Variants in FGF14 observed in about 807,000 individuals in gnomAD.
The protein encoded by FGF14 is fibroblast growth factor homologous factor 4.
FGF14 carries 5 observed loss-of-function variants against 25.5 expected under a neutral mutation model. The ratio of observed to expected loss-of-function variants is 0.20; its 90% CI spans 0.10 to 0.41. FGF14 has a LOEUF of 0.41. Ranked by LOEUF, FGF14 falls within the 10% of genes least tolerant of loss-of-function variation. The pLI, the probability that FGF14 is intolerant of heterozygous loss-of-function variation, is 1.00. For missense variants in FGF14, 222 were observed against 320.1 expected, an observed-to-expected ratio of 0.69 and a Z score of 2.34; for synonymous variants, 138 against 118.3, an observed-to-expected ratio of 1.17 and a Z score of -1.08.
chr13:101,811,318 C>G (rs2041500217), intron 3 of FGF14, among the ~76,000 whole-genome samples: 1 of 152,220 alleles, frequency 6.6e-6, no homozygotes, highest in Non-Finnish European at 1.5e-5. Flanking sequence ...TTTCCTGTCT[C>G]TATCATTGTG....
chr13:102,343,060 T>C (rs1426708913), intron 1 of FGF14, among the ~76,000 whole-genome samples: 2 of 152,038 alleles, frequency 1.3e-5, no homozygotes, highest in Non-Finnish European at 2.9e-5. Context: ...TTTTTGAGAG[T>C]AGGCACAGTC....
intron 3 of FGF14, among the ~76,000 whole-genome samples, chr13:101,782,771 C>T (rs563081277): frequency 2.4e-4 from 36 of 152,274 alleles, no homozygotes; most frequent in African/African-American, 8.2e-4. Context: ...TACCATATTT[C>T]TTTAACCAGT....
chr13:101,762,861 T>C (rs560356470), intron 3 of FGF14, among the ~76,000 whole-genome samples: 1 of 152,188 alleles, frequency 6.6e-6, no homozygotes, highest in African/African-American at 2.4e-5. Context: ...GTCACATTTT[T>C]CCCTCTTGCC....
At chr13:102,179,261 G>GC (rs1255074201) in intron 1 of FGF14, among the ~76,000 whole-genome samples, 1 of 152,054 alleles carries the variant, frequency 6.6e-6, no homozygotes, top group Non-Finnish European at 1.5e-5. Context: ...GCAGAGCATG[G>GC]CCCTGTCTCT....
At chr13:102,151,080 A>G (rs986988554) in intron 1 of FGF14, among the ~76,000 whole-genome samples, 2 of 152,156 alleles carry the variant, frequency 1.3e-5, no homozygotes, top group Non-Finnish European at 2.9e-5. Flanking sequence ...GTTACTTTTA[A>G]TTTTTCCCCA....
intron 1 of FGF14, among the ~76,000 whole-genome samples, chr13:102,055,947 A>T (rs547473544): frequency 1.7e-4 from 26 of 152,174 alleles, no homozygotes; most frequent in African/African-American, 6.0e-4. Context: ...GGGAAAAGGG[A>T]AATCCCTTAT....
At chr13:102,144,232 G>A (rs1220543852) in intron 1 of FGF14, among the ~76,000 whole-genome samples, 1 of 152,024 alleles carries the variant, frequency 6.6e-6, no homozygotes, top group Non-Finnish European at 1.5e-5. Flanking sequence ...TGCATAGTAA[G>A]ATTAAAAAAT....
rs753885042 is a variant in FGF14, at chr13:101,768,797, C to T, written c.409-41987G>A. Among the ~76,000 whole-genome samples, 9 of 152,158 alleles carry T rather than the reference C, an allele frequency of 5.9e-5. No individual in the cohort carries two copies. In the South Asian group the frequency reaches 6.2e-4, roughly 11 times the overall value. ...AACATAAATCCAAACATAGATCATA[C>T]GTCCTTCATAACATTAACTTAAAAT... On this transcript the variant is annotated intron_variant, in intron 3 of 4. Coordinates refer to ENST00000376143, the MANE Select transcript of FGF14 (RefSeq NM_004115.4).
chr13:102,069,433 G>A (rs1030185217), intron 1 of FGF14, among the ~76,000 whole-genome samples: 6 of 152,128 alleles, frequency 3.9e-5, no homozygotes, highest in Non-Finnish European at 7.4e-5. Flanking sequence ...CAACCCGCTC[G>A]GGTCCCCTTC....
chr13:101,737,821 AC>A, intron 3 of FGF14, among the ~76,000 whole-genome samples: 1 of 152,214 alleles, frequency 6.6e-6, no homozygotes, highest in East Asian at 1.9e-4. Context: ...TTTAAATTAG[AC>A]CTTTATATCA....
At chr13:101,832,775 T>C (rs2042737594) in intron 3 of FGF14, among the ~76,000 whole-genome samples, 1 of 152,000 alleles carries the variant, frequency 6.6e-6, no homozygotes, top group African/African-American at 2.4e-5. Flanking sequence ...AGTAATGAGA[T>C]AGAAAGACAT....
intron 1 of FGF14, among the ~76,000 whole-genome samples, chr13:102,059,231 T>A (rs2042569712): frequency 1.3e-5 from 2 of 152,178 alleles, no homozygotes; most frequent in Admixed American, 1.3e-4. Context: ...CATCATCAAC[T>A]GGAGCAAGAT....
At chr13:102,392,835 T>C (rs1854413796) in intron 1 of FGF14, among the ~76,000 whole-genome samples, 1 of 152,158 alleles carries the variant, frequency 6.6e-6, no homozygotes, top group South Asian at 2.1e-4. Flanking sequence ...TCTTCCTCCC[T>C]GGTCTTTCCA....
intron 3 of FGF14, among the ~76,000 whole-genome samples, chr13:101,848,283 G>T (rs1165860158): frequency 6.6e-6 from 1 of 151,752 alleles, no homozygotes; most frequent in Non-Finnish European, 1.5e-5. Context: ...AGACCCAAAG[G>T]TTGAACAAAG....
chr13:102,119,127 A>G (rs1442736084), intron 1 of FGF14, among the ~76,000 whole-genome samples: 2 of 152,206 alleles, frequency 1.3e-5, no homozygotes, highest in African/African-American at 4.8e-5. Context: ...AGTGTGTTGC[A>G]ATATGAAGTC....
At chr13:102,029,499 G>A (rs1030728071) in intron 1 of FGF14, among the ~76,000 whole-genome samples, 2 of 152,014 alleles carry the variant, frequency 1.3e-5, no homozygotes, top group African/African-American at 4.8e-5. Context: ...ATAGCATCAT[G>A]TGTGTAGATC....
At chr13:102,206,693 T>C (rs867478590) in intron 1 of FGF14, among the ~76,000 whole-genome samples, 33 of 151,744 alleles carry the variant, frequency 2.2e-4, no homozygotes, top group African/African-American at 7.8e-4. Flanking sequence ...AGAATATATA[T>C]ATTATTATCA....
At chr13:102,122,476 G>A (rs2045769742) in intron 1 of FGF14, among the ~76,000 whole-genome samples, 1 of 152,096 alleles carries the variant, frequency 6.6e-6, no homozygotes, top group Non-Finnish European at 1.5e-5. Flanking sequence ...TATTATGACA[G>A]CGGGAGTAGC....
intron 1 of FGF14, among the ~76,000 whole-genome samples, chr13:102,092,727 A>C (rs963875850): frequency 6.6e-6 from 1 of 152,356 alleles, no homozygotes; most frequent in African/African-American, 2.4e-5. Context: ...ATTATAATAC[A>C]TAAATGCCTA....
Sources: allele counts gnomAD v4.1 joint callset (sites outside exome capture counted in the v4.1 genomes callset), GRCh38; gene constraint gnomAD v4.1.1; transcripts MANE v1.5; gene names NCBI Gene and HGNC (gene_info 2026-07-23, HGNC 2026-07-21).